TRAP1: variants seen among roughly 807,000 people sequenced by gnomAD.
TRAP1 encodes TNF receptor associated protein 1.
A neutral mutation model predicts 89.1 loss-of-function variants in TRAP1; 102 were observed. The observed-to-expected ratio is 1.15, with a 90% confidence interval of 0.98 to 1.35. The LOEUF (loss-of-function observed/expected upper bound fraction) is 1.35. TRAP1 is among the 40% of genes most tolerant of loss of function. TRAP1 has a pLI of 0.00. For missense variants in TRAP1, 1,256 were observed against 945.3 expected, an observed-to-expected ratio of 1.33 and a Z score of -4.31; for synonymous variants, 508 against 388.0, an observed-to-expected ratio of 1.31 and a Z score of -3.64.
At chr16:3,703,125 A>T (rs1459872806) in intron 1 of TRAP1, among the ~76,000 whole-genome samples, 2 of 151,320 alleles carry the variant, frequency 1.3e-5, no homozygotes, top group Admixed American at 1.3e-4. Context: ...TATACAGAAA[A>T]CTAGTTAGAA....
At chr16:3,700,727 A>C (rs113457405) in intron 1 of TRAP1, among the ~76,000 whole-genome samples, 1 of 152,146 alleles carries the variant, frequency 6.6e-6, no homozygotes, top group East Asian at 1.9e-4. Flanking sequence ...CAGCCTCCCA[A>C]AGTGGTGGGA....
chr16:3,669,659 C>A (rs1015845669), intron 11 of TRAP1, among the ~76,000 whole-genome samples: 12 of 151,354 alleles, frequency 7.9e-5, no homozygotes, highest in Non-Finnish European at 1.2e-4. Flanking sequence ...ACAGTGAAAC[C>A]CTGTCTCTAC....
At chr16:3,670,780 G>T (rs957484537) in intron 11 of TRAP1, among the ~76,000 whole-genome samples, 6 of 152,186 alleles carry the variant, frequency 3.9e-5, no homozygotes, top group Admixed American at 3.9e-4. Context: ...CTCTGAAGGT[G>T]AGGCAGGAGG....
chr16:3,674,000 T>C (rs2050952300), intron 9 of TRAP1, among the ~76,000 whole-genome samples: 1 of 152,200 alleles, frequency 6.6e-6, no homozygotes, highest in Admixed American at 6.5e-5. Flanking sequence ...CAGCCTGCAC[T>C]GAGATGCCCA....
At chr16:3,704,679 C>CA (rs971002613) in intron 1 of TRAP1, among the ~76,000 whole-genome samples, 3 of 151,966 alleles carry the variant, frequency 2.0e-5, no homozygotes, top group African/African-American at 7.2e-5. Context: ...ATAGGGAGAC[C>CA]CCCCCAACTC....
intron 3 of TRAP1, among the ~76,000 whole-genome samples, chr16:3,686,687 C>A (rs1246345890): frequency 6.6e-6 from 1 of 152,090 alleles, no homozygotes. Context: ...GAAGAGCCCT[C>A]TGGCTGGGGT....
rs545305898 is a variant in TRAP1 at position 3,698,027 on chromosome 16, G to A, written c.89-7042C>T. 4.4e-4 allele frequency among the ~76,000 whole-genome samples: 67 copies of A among 151,962 alleles called. 1 individual carries two copies. The South Asian group carries it at 0.012, about 28-fold the overall frequency. On this transcript the variant is annotated intron_variant, in intron 1 of 17. Coordinates refer to ENST00000246957, the MANE Select transcript of TRAP1 (RefSeq NM_016292.3). ...AGGGTTTCACCATGTTGGCCAGGAT[G>A]GTCTCGAACTCCTGACCTCGTGATC... is the stretch of plus-strand genomic sequence containing the variant.
intron 2 of TRAP1, among the ~76,000 whole-genome samples, 176 bp from the exon 3 acceptor site, chr16:3,689,313 C>T (rs1011818233): frequency 4.0e-4 from 59 of 147,796 alleles, no homozygotes; most frequent in African/African-American, 9.1e-4. Context: ...GGCACGATCT[C>T]GGCTCACTGC....
chr16:3,717,299 C>T (rs187539528), intron 1 of TRAP1, 122 bp downstream of exon 1: 55 of 372,942 alleles, frequency 1.5e-4, no homozygotes, highest in African/African-American at 1.1e-3. Context: ...CGCGCTTGGC[C>T]TCGCCGGACC....
intron 1 of TRAP1, among the ~76,000 whole-genome samples, chr16:3,702,390 C>G (rs1312032998): frequency 6.6e-6 from 1 of 151,818 alleles, no homozygotes; most frequent in Non-Finnish European, 1.5e-5. Context: ...TGTGCTGCTT[C>G]ACAGACCTGG....
At chr16:3,660,428 C>T (rs973007035) in intron 16 of TRAP1, 2 of 152,220 alleles carry the variant, frequency 1.3e-5, no homozygotes, top group African/African-American at 4.8e-5. Context: ...TCTGATGGCG[C>T]CACTGGTACA....
chr16:3,679,855 C>A, intron 4 of TRAP1, 65 bp from the exon 5 acceptor site: 1 of 1,527,906 alleles, frequency 6.5e-7, no homozygotes, highest in Non-Finnish European at 9.0e-7. Context: ...AGTGCACCAG[C>A]AGTCCCAGGG....
chr16:3,662,592 G>C (rs2043148697), intron 15 of TRAP1: 1 of 622,978 alleles, frequency 1.6e-6, no homozygotes. Flanking sequence ...CCCTTGTTTG[G>C]AACCCCCACG....
intron 1 of TRAP1, among the ~76,000 whole-genome samples, chr16:3,701,130 T>C (rs1018479518): frequency 2.0e-5 from 3 of 152,138 alleles, no homozygotes; most frequent in African/African-American, 7.2e-5. Flanking sequence ...AAAAAGTGTG[T>C]TTAAGAAAGC....
Position 3,690,929 on chromosome 16 carries a change from G to C in TRAP1, c.145C>G (p.Pro49Ala), listed in dbSNP as rs774118235. 6.3e-6 allele frequency: 10 copies of C among 1,589,092 alleles called. No individual in the cohort carries two copies. The highest frequency in any genetic ancestry group is 8.6e-6 in the Non-Finnish European group (10 of 1,168,176). The change falls in exon 2 of 18, where the codon CCA becomes GCA. Residue 49 changes from proline to alanine, a missense_variant. Coordinates refer to ENST00000246957, the MANE Select transcript of TRAP1 (RefSeq NM_016292.3). The part of the protein sequence containing the change: ...TTAQLGPRRN[P>A]AWSLQAGRLF... ...CGTCCTGCCTGCAAGCTCCAGGCTG[G>C]GTTTCGCCTGGGGCCCAACTGGGCT... is the stretch of plus-strand genomic sequence containing the variant.
rs373846680 is a variant in TRAP1 at position 3,686,020 on chromosome 16, G to A, written c.447C>T (p.Ala149=). The A allele has an allele frequency of 2.4e-5, 38 of 1,613,858 alleles. No homozygotes were observed. Among genetic ancestry groups the A allele is most frequent in the Middle Eastern group, 1.6e-4 (1 of 6,074 alleles). The change falls in exon 4 of 18, where the codon GCC becomes GCT. Residue 149 remains alanine, a synonymous_variant. Transcript: ENST00000246957. ...PEMEIHLQTN[A]EKGTITIQDT... is the part of the protein sequence containing the mutation. ...CCTGGATGGTGATGGTGCCTTTCTC[G>A]GCATTGGTCTGCAAGTGAATCTCCA...
At chr16:3,664,191 G>T (rs1015396297) in intron 13 of TRAP1, 83 bp downstream of exon 13, 11 of 1,399,992 alleles carry the variant, frequency 7.9e-6, no homozygotes, top group Middle Eastern at 2.6e-4. Context: ...TCTTGGGCAG[G>T]TTCACCCAGC....
intron 1 of TRAP1, among the ~76,000 whole-genome samples, chr16:3,708,858 G>C (rs532403062): frequency 1.4e-5 from 2 of 145,486 alleles, no homozygotes; most frequent in African/African-American, 2.5e-5. Context: ...CTCTGTTGCC[G>C]AGGCTGGAGT....
chr16:3,679,374 A>G (rs560621898), intron 5 of TRAP1, among the ~76,000 whole-genome samples: 47 of 152,346 alleles, frequency 3.1e-4, no homozygotes, highest in Admixed American at 2.6e-3. Context: ...TGTTATATCT[A>G]TATCTAGCAT....
Sources: gnomAD v4.1 joint callset for allele counts (sites outside exome capture counted in the v4.1 genomes callset) on GRCh38, gnomAD v4.1.1 for gene constraint, MANE v1.5 for transcripts, NCBI Gene and HGNC (gene_info 2026-07-23, HGNC 2026-07-21) for gene names.